Variants in COL23A1 observed in about 807,000 individuals in gnomAD.
The protein encoded by COL23A1 is collagen type XXIII alpha 1 chain, also known as collagen alpha-1(XXIII) chain.
In COL23A1, 97 loss-of-function variants were observed where a neutral mutation model predicts 99.3. The observed-to-expected ratio is 0.98, with a 90% CI of 0.83 to 1.16. COL23A1 has a LOEUF of 1.16. Ranked by LOEUF, COL23A1 falls within the 50% of genes most tolerant of loss-of-function variation. The probability of loss-of-function intolerance (pLI) is 0.00; values close to 1 mark genes in which losing one functional copy is unlikely to be tolerated. For synonymous variants in COL23A1, 320 were observed against 308.2 expected, an observed-to-expected ratio of 1.04 and a Z score of -0.40; for missense variants, 762 against 757.4, an observed-to-expected ratio of 1.01 and a Z score of -0.07.
intron 2 of COL23A1, among the ~76,000 whole-genome samples, chr5:178,474,566 G>A (rs1356573813): frequency 6.6e-6 from 1 of 151,960 alleles, no homozygotes; most frequent in Non-Finnish European, 1.5e-5. Context: ...TGAATTTGTC[G>A]TATTTCTTTC....
chr5:178,507,878 A>G (rs1035482962), intron 2 of COL23A1, among the ~76,000 whole-genome samples: 6 of 152,182 alleles, frequency 3.9e-5, no homozygotes, highest in African/African-American at 1.4e-4. Context: ...CCAAGTTTGG[A>G]ACATTTCAAC....
chr5:178,358,655 C>T (rs1223990480), intron 2 of COL23A1, among the ~76,000 whole-genome samples: 6 of 102,800 alleles, frequency 5.8e-5, no homozygotes, highest in East Asian at 2.9e-4. Context: ...TGTATGTGTA[C>T]GTGTGTATGT....
intron 2 of COL23A1, among the ~76,000 whole-genome samples, chr5:178,457,245 ACT>A (rs1767848283): frequency 6.6e-6 from 1 of 151,994 alleles, no homozygotes; most frequent in Admixed American, 6.5e-5. Flanking sequence ...ACAGAGTTTC[ACT>A]CTGTCGCCCA....
chr5:178,340,183 A>G lies in COL23A1; in HGVS notation c.362-33264T>C, dbSNP rs755009413. On this transcript the variant is annotated intron_variant, in intron 2 of 28. Coordinates refer to ENST00000390654, the MANE Select transcript of COL23A1 (RefSeq NM_173465.4). The surrounding 1 kb of genome is among the most constrained non-coding windows in gnomAD (Gnocchi z 4.7). Reference sequence around the variant, plus strand: ...CCTCCTCACAGCGTTCTCATGAGGAATGCACCTATGAAAGTTCCTAGGCAG... The same window carrying G: ...CCTCCTCACAGCGTTCTCATGAGGAGTGCACCTATGAAAGTTCCTAGGCAG... Among the ~76,000 whole-genome samples, 2 of 152,138 alleles carry G rather than the reference A, an allele frequency of 1.3e-5. No individual in the cohort carries two copies. Among genetic ancestry groups the G allele is most frequent in the African/African-American group, 4.8e-5 (2 of 41,426 alleles).
rs559298243 is a variant in COL23A1 at position 178,307,979 on chromosome 5, G to A, written c.362-1060C>T. ...CAGGAGACTGGCCCCGATCGCGTCT[G>A]TGGCAGGATGGAAAAATGAGTGTGG... On this transcript the variant is annotated intron_variant, in intron 2 of 28. Coordinates refer to ENST00000390654, the MANE Select transcript of COL23A1 (RefSeq NM_173465.4). This position sits in a 1 kb window ranked among gnomAD's most constrained non-coding sequence, Gnocchi z 4.2. Among the ~76,000 whole-genome samples, 1 of 152,236 alleles carries A rather than the reference G, an allele frequency of 6.6e-6. No homozygotes were observed. The highest frequency in any genetic ancestry group is 2.1e-4 in the South Asian group (1 of 4,822).
At chr5:178,543,668 C>A (rs192497359) in intron 2 of COL23A1, among the ~76,000 whole-genome samples, 15 of 152,280 alleles carry the variant, frequency 9.9e-5, no homozygotes, top group Admixed American at 3.3e-4. Flanking sequence ...GGGCCTGCAT[C>A]TCTCAGCTCC....
Position 178,342,996 on chromosome 5 carries a change from G to C in COL23A1, c.362-36077C>G, listed in dbSNP as rs188917083. ...ACCACATGGACTGTAAGGCCACAGGGGAGGAATAATGGTTTTGAGTACCGA... is the reference window on the plus strand; with the variant it reads ...ACCACATGGACTGTAAGGCCACAGGCGAGGAATAATGGTTTTGAGTACCGA... On this transcript the variant is annotated intron_variant, in intron 2 of 28. Transcript: ENST00000390654. Among the ~76,000 whole-genome samples, 161 of 152,320 alleles carry C rather than the reference G, an allele frequency of 1.1e-3. 1 individual carries two copies. Among genetic ancestry groups the C allele is most frequent in the African/African-American group, 3.8e-3 (156 of 41,554 alleles).
Position 178,431,475 on chromosome 5 carries a change from G to A in COL23A1, c.362-124556C>T, listed in dbSNP as rs114156412. 3.5e-3 allele frequency among the ~76,000 whole-genome samples: 528 copies of A among 152,354 alleles called. 6 individuals are homozygous for A. Among genetic ancestry groups the A allele is most frequent in the African/African-American group, 0.012 (505 of 41,582 alleles). ...GAACAGAAACTGCAGATGTGATGAA[G>A]TTCCGGATATCGAGACGGGGAGACT... is the stretch of plus-strand genomic sequence containing the variant. On this transcript the variant is annotated intron_variant, in intron 2 of 28. Coordinates refer to ENST00000390654, the MANE Select transcript of COL23A1 (RefSeq NM_173465.4).
chr5:178,357,978 ATATGTGTGTATGCG>A (rs1240842785), intron 2 of COL23A1, among the ~76,000 whole-genome samples: 2 of 143,622 alleles, frequency 1.4e-5, no homozygotes, highest in African/African-American at 2.6e-5. Flanking sequence ...GTATGTGTAT[ATATGTGTGTATGCG>A]TGTGTGTATA....
intron 5 of COL23A1, among the ~76,000 whole-genome samples, chr5:178,278,263 C>G (rs1250066799): frequency 6.6e-6 from 1 of 152,208 alleles, no homozygotes; most frequent in Non-Finnish European, 1.5e-5. Flanking sequence ...GCCCTCCTGC[C>G]CCACCCTTGG....
chr5:178,585,675 C>A (rs955795182), intron 1 of COL23A1, among the ~76,000 whole-genome samples: 18 of 151,936 alleles, frequency 1.2e-4, no homozygotes, highest in East Asian at 7.8e-4. Flanking sequence ...ACTCCACAGC[C>A]CTGGATGGCG....
At chr5:178,500,829 C>A (rs1758487199) in intron 2 of COL23A1, among the ~76,000 whole-genome samples, 2 of 151,686 alleles carry the variant, frequency 1.3e-5, no homozygotes, top group African/African-American at 4.8e-5. Flanking sequence ...AAAGCACTAA[C>A]CCTAAAATGA....
intron 2 of COL23A1, among the ~76,000 whole-genome samples, chr5:178,455,929 C>A (rs1288025229): frequency 6.6e-6 from 1 of 151,812 alleles, no homozygotes; most frequent in Admixed American, 6.6e-5. Context: ...AATAAACAGG[C>A]AAGAGTAGCT....
chr5:178,481,439 C>G lies in COL23A1; in HGVS notation c.361+79243G>C, dbSNP rs1185441113. ...CACTACTGAGAGAGTATAAAGACAA[C>G]CCAGAGAATTTGCAAGTCATATATC... On this transcript the variant is annotated intron_variant, in intron 2 of 28. Transcript: ENST00000390654. Among the ~76,000 whole-genome samples the G allele has an allele frequency of 2.6e-5, 4 of 151,942 alleles. No individual in the cohort carries two copies. In the East Asian group the frequency reaches 7.7e-4, roughly 29 times the overall value.
rs1758404621 is a variant in COL23A1 at position 178,307,169 on chromosome 5, T to A, written c.362-250A>T. On this transcript the variant is annotated intron_variant, in intron 2 of 28. Transcript: ENST00000390654. The surrounding 1 kb of genome is among the most constrained non-coding windows in gnomAD (Gnocchi z 4.2). Reference sequence around the variant, plus strand: ...CCTCATGCCCCACGCACCCATTCTGTCATTCAATCATCGGCTCACTCAGTC... The same window carrying A: ...CCTCATGCCCCACGCACCCATTCTGACATTCAATCATCGGCTCACTCAGTC... Among the ~76,000 whole-genome samples, 1 of 152,158 alleles carries A rather than the reference T, an allele frequency of 6.6e-6. No homozygotes were observed. Among genetic ancestry groups the A allele is most frequent in the Non-Finnish European group, 1.5e-5 (1 of 68,028 alleles).
At chr5:178,394,722 G>A (rs1394281909) in intron 2 of COL23A1, among the ~76,000 whole-genome samples, 1 of 152,212 alleles carries the variant, frequency 6.6e-6, no homozygotes, top group African/African-American at 2.4e-5. Flanking sequence ...GGGAAACTGA[G>A]GCCCAGAGAG....
At chr5:178,503,022 C>T (rs1469552159) in intron 2 of COL23A1, among the ~76,000 whole-genome samples, 1 of 152,168 alleles carries the variant, frequency 6.6e-6, no homozygotes, top group African/African-American at 2.4e-5. Context: ...GTTAGAAAAA[C>T]CCAGAACAAT....
intron 2 of COL23A1, among the ~76,000 whole-genome samples, chr5:178,397,310 G>T (rs1346858234): frequency 1.3e-5 from 2 of 152,254 alleles, no homozygotes; most frequent in African/African-American, 4.8e-5. Flanking sequence ...TTAGCAAGAC[G>T]CAAGGAGGGG....
At chr5:178,358,469 GTGCGTA>G (rs1275586530) in intron 2 of COL23A1, among the ~76,000 whole-genome samples, 1 of 148,648 alleles carries the variant, frequency 6.7e-6, no homozygotes, top group Non-Finnish European at 1.5e-5. Context: ...GTATGTGTAT[GTGCGTA>G]TGCGTATATA....
Sources: allele counts gnomAD v4.1 joint callset (sites outside exome capture counted in the v4.1 genomes callset), GRCh38; gene constraint gnomAD v4.1.1; non-coding constraint Gnocchi (gnomAD v3.1); transcripts MANE v1.5; gene names NCBI Gene and HGNC (gene_info 2026-07-23, HGNC 2026-07-21).